CYSLTR2: variants seen among roughly 807,000 people sequenced by gnomAD.
CYSLTR2 encodes G-protein coupled receptor GPCR21.
For synonymous variants in CYSLTR2, 179 were observed against 160.8 expected (o/e 1.11, Z -0.86); for missense variants, 398 against 411.9 (o/e 0.97, Z 0.29).
At chr13:48,655,706 A>C (rs1041139570) in intron 1 of CYSLTR2, among the ~76,000 whole-genome samples, 1 of 152,256 alleles carries the variant, frequency 6.6e-6, no homozygotes, top group African/African-American at 2.4e-5. Context: ...TACAGGCATC[A>C]GTTCATTTGA....
chr13:48,700,276 T>C (rs1954304918), intron 4 of CYSLTR2, among the ~76,000 whole-genome samples: 1 of 152,152 alleles, frequency 6.6e-6, no homozygotes, highest in South Asian at 2.1e-4. Context: ...CTAAATAAAA[T>C]ACTGGCAAAC....
At chr13:48,700,353 G>A (rs1296315947) in intron 4 of CYSLTR2, among the ~76,000 whole-genome samples, 2 of 152,210 alleles carry the variant, frequency 1.3e-5, no homozygotes, top group African/African-American at 2.4e-5. Flanking sequence ...TGGGATGCAA[G>A]GCTGGTTCAA....
chr13:48,695,739 T>G (rs1018698093), intron 3 of CYSLTR2, among the ~76,000 whole-genome samples: 1 of 152,246 alleles, frequency 6.6e-6, no homozygotes, highest in Admixed American at 6.5e-5. Flanking sequence ...AGTTACCAAA[T>G]GTATTAATGG....
chr13:48,707,090 TC>T lies in CYSLTR2; in HGVS notation c.276del (p.Phe93SerfsTer37), dbSNP rs1954512978. The T allele has an allele frequency of 6.2e-7, 1 of 1,614,096 alleles. No homozygotes were observed. Among genetic ancestry groups the T allele is most frequent in the Admixed American group, 1.7e-5 (1 of 60,010 alleles). ...ISDLLFISTLPFRADYYLRGS... is the reference protein window; with the variant it reads ...ISDLLFISTLXFRADYYLRGS... ...CAGATCTCCTGTTCATAAGCACGCT[TC>T]CCTTCAGGGCTGACTATTATCTTAG... On this transcript the variant is annotated frameshift_variant, in exon 5 of 5. Coordinates refer to ENST00000682523, the MANE Select transcript of CYSLTR2 (RefSeq NM_001308476.3). LOFTEE classifies it low-confidence loss of function (END_TRUNC).
chr13:48,675,762 C>T (rs895050596), intron 1 of CYSLTR2, among the ~76,000 whole-genome samples: 2 of 152,080 alleles, frequency 1.3e-5, no homozygotes, highest in African/African-American at 4.8e-5. Flanking sequence ...GGTTGAAACC[C>T]AGGGCCCTGG....
intron 4 of CYSLTR2, among the ~76,000 whole-genome samples, chr13:48,698,464 C>A (rs1174430136): frequency 6.6e-6 from 1 of 152,116 alleles, no homozygotes; most frequent in Non-Finnish European, 1.5e-5. Context: ...TACAGACAAG[C>A]AAATGCTGAG....
chr13:48,706,907 C>A lies in CYSLTR2; in HGVS notation c.90C>A (p.Asn30Lys), dbSNP rs199817060. Residue 30 changes from asparagine (N) to lysine (K), a missense_variant, in exon 5 of 5, where the codon AAC becomes AAA. By Grantham distance (94) the Asn-to-Lys change is moderately conservative. Transcript: ENST00000682523. The part of the protein sequence containing the change: ...NGTFSNNNSR[N>K]CTIENFKREF... The stretch of plus-strand genomic sequence containing the variant: ...CCTTCAGCAATAACAACAGCAGGAA[C>A]TGCACAATTGAAAACTTCAAGAGAG... 3.1e-6 allele frequency: 5 copies of A among 1,614,180 alleles called. No homozygotes were observed. The highest frequency in any genetic ancestry group is 4.2e-6 in the Non-Finnish European group (5 of 1,179,998).
intron 1 of CYSLTR2, among the ~76,000 whole-genome samples, chr13:48,655,289 G>A (rs1200427710): frequency 1.3e-5 from 2 of 152,194 alleles, no homozygotes; most frequent in African/African-American, 4.8e-5. Flanking sequence ...CACAAGGTGG[G>A]CATTTAATAG....
intron 1 of CYSLTR2, among the ~76,000 whole-genome samples, chr13:48,680,467 C>T (rs1414944255): frequency 3.9e-5 from 6 of 152,212 alleles, no homozygotes; most frequent in Non-Finnish European, 7.3e-5. Flanking sequence ...CAGCATGTTT[C>T]GTTTTCTTCC....
chr13:48,707,890 C>T lies in CYSLTR2; in HGVS notation c.*32C>T, dbSNP rs200791352. The T allele has an allele frequency of 4.1e-6, 6 of 1,469,816 alleles. No individual in the cohort carries two copies. The highest frequency in any genetic ancestry group is 9.1e-7 in the Non-Finnish European group (1 of 1,101,346). 91.0% of individuals were successfully genotyped at this position (1,469,816 alleles called of 1,614,324 possible). ...CTTAGATGAGACCTGTTCTTGTATC[C>T]TTGTGTCCATCTTCATTCACTCATA... On this transcript the variant is annotated 3_prime_UTR_variant, in exon 5 of 5. Coordinates refer to ENST00000682523, the MANE Select transcript of CYSLTR2 (RefSeq NM_001308476.3).
Position 48,706,140 on chromosome 13 carries a change from G to A in CYSLTR2, c.-1-677G>A, listed in dbSNP as rs562698854. Among the ~76,000 whole-genome samples, 5 of 151,952 alleles carry A rather than the reference G, an allele frequency of 3.3e-5. No individual in the cohort carries two copies. The South Asian group carries it at 1.0e-3, about 32-fold the overall frequency. On this transcript the variant is annotated intron_variant, in intron 4 of 4. Transcript: ENST00000682523. ...GCCTCCCGGGTAGCAGAGGTGACAG[G>A]TGCCTGCCACTGGGCCCGCTAATTT...
chr13:48,683,446 A>G (rs557500892), intron 1 of CYSLTR2, among the ~76,000 whole-genome samples: 183 of 151,810 alleles, frequency 1.2e-3, no homozygotes, highest in Non-Finnish European at 1.8e-3. Flanking sequence ...ATGTTATCTC[A>G]TTTGTGTTTT....
intron 1 of CYSLTR2, among the ~76,000 whole-genome samples, chr13:48,654,251 T>TTGTGTGTGTGTGTGTGTGTGTG (rs372575519): frequency 7.7e-6 from 1 of 129,208 alleles, no homozygotes; most frequent in Non-Finnish European, 1.7e-5. Context: ...GATCGTCCCT[T>TTGTGTGTGTGTGTGTGTGTGTG]TGTGTGTGTG....
intron 4 of CYSLTR2, among the ~76,000 whole-genome samples, chr13:48,703,879 T>G (rs1170651661): frequency 6.6e-6 from 1 of 152,074 alleles, no homozygotes; most frequent in Non-Finnish European, 1.5e-5. Flanking sequence ...TTTTTGAGAG[T>G]TTTTCAATTG....
chr13:48,696,116 T>G (rs1430246532), intron 3 of CYSLTR2, among the ~76,000 whole-genome samples: 1 of 152,234 alleles, frequency 6.6e-6, no homozygotes, highest in Admixed American at 6.5e-5. Context: ...TACCTCACTG[T>G]GGTTTTAATT....
chr13:48,672,329 T>C (rs533550414), intron 1 of CYSLTR2, among the ~76,000 whole-genome samples: 2 of 152,222 alleles, frequency 1.3e-5, no homozygotes, highest in African/African-American at 4.8e-5. Flanking sequence ...GGCTTTTGAA[T>C]TTGTTTGCTC....
chr13:48,693,899 T>G (rs958200135), intron 3 of CYSLTR2, among the ~76,000 whole-genome samples: 3 of 152,212 alleles, frequency 2.0e-5, no homozygotes, highest in African/African-American at 7.2e-5. Context: ...TAAACCATCG[T>G]GTTTATATTA....
intron 4 of CYSLTR2, among the ~76,000 whole-genome samples, chr13:48,704,013 G>C (rs1954416880): frequency 6.6e-6 from 1 of 152,014 alleles, no homozygotes; most frequent in South Asian, 2.1e-4. Flanking sequence ...ATGTTTGTAG[G>C]GTTATTCAAA....
At chr13:48,665,395 C>T (rs1953236113) in intron 1 of CYSLTR2, among the ~76,000 whole-genome samples, 1 of 152,032 alleles carries the variant, frequency 6.6e-6, no homozygotes, top group South Asian at 2.1e-4. Flanking sequence ...GATGATCTGT[C>T]CAGTGCCAAG....
Sources: allele counts gnomAD v4.1 joint callset (sites outside exome capture counted in the v4.1 genomes callset), GRCh38; gene constraint gnomAD v4.1.1; transcripts MANE v1.5; gene names NCBI Gene and HGNC (gene_info 2026-07-23, HGNC 2026-07-21).